PSMG4: variants seen among roughly 807,000 people sequenced by gnomAD.
PSMG4 encodes the protein proteasome assembly chaperone 4, also known as proteasome (prosome, macropain) assembly chaperone 4.
In PSMG4, 10 loss-of-function variants were observed where a neutral mutation model predicts 11.0. That is an observed-to-expected ratio of 0.91 (90% confidence interval 0.56 to 1.54). PSMG4 has a LOEUF of 1.54. Ranked by LOEUF, PSMG4 falls within the 40% of genes most tolerant of loss-of-function variation. The probability of loss-of-function intolerance (pLI) is 0.00; values close to 1 mark genes in which losing one functional copy is unlikely to be tolerated. For missense variants in PSMG4, 198 were observed against 160.9 expected (o/e 1.23, Z -1.25); for synonymous variants, 95 against 71.3 (o/e 1.33, Z -1.68).
At chr6:3,258,824 C>T (rs752773059), upstream of PSMG4, 24 of 422,786 alleles carry the variant, frequency 5.7e-5, no homozygotes, top group Middle Eastern at 3.1e-3. Flanking sequence ...CGCCCAGGGC[C>T]GGCAGCCGCC....
chr6:3,256,295 T>C (rs1254522081), upstream of PSMG4, among the ~76,000 whole-genome samples: 1 of 152,340 alleles, frequency 6.6e-6, no homozygotes, highest in South Asian at 2.1e-4. Flanking sequence ...ATCCCAGTTA[T>C]ACATTTGAGG....
upstream of PSMG4, chr6:3,258,781 A>G: frequency 2.7e-6 from 1 of 366,678 alleles, no homozygotes; most frequent in Non-Finnish European, 4.8e-6. Flanking sequence ...GGTGTGCGGG[A>G]GAGGCCAGCA....
chr6:3,254,941 GT>G, upstream of PSMG4: 1 of 1,238,360 alleles, frequency 8.1e-7, no homozygotes, highest in South Asian at 1.6e-5. Context: ...CTCACTGGGT[GT>G]CAGCTGTTGG....
intron 1 of PSMG4, among the ~76,000 whole-genome samples, chr6:3,261,793 C>T (rs1440895707): frequency 6.6e-6 from 1 of 152,182 alleles, no homozygotes; most frequent in African/African-American, 2.4e-5. Context: ...TGGGCCAGCC[C>T]TCCATCTACC....
At chr6:3,254,634 G>A (rs1581538676), upstream of PSMG4, among the ~76,000 whole-genome samples, 1 of 152,300 alleles carries the variant, frequency 6.6e-6, no homozygotes, top group South Asian at 2.1e-4. Flanking sequence ...GTGTAACACT[G>A]ATTGTGAAGG....
At chr6:3,254,548 G>A (rs1757672491), upstream of PSMG4, among the ~76,000 whole-genome samples, 1 of 152,134 alleles carries the variant, frequency 6.6e-6, no homozygotes, top group Admixed American at 6.5e-5. Context: ...AAGGTGTGCA[G>A]ATTTGTTCTC....
chr6:3,264,254 G>C, intron 2 of PSMG4: 1 of 1,551,136 alleles, frequency 6.4e-7, no homozygotes, highest in Non-Finnish European at 8.7e-7. Flanking sequence ...GGCGTAGAGT[G>C]GGGATTAAGC....
chr6:3,259,917 C>T (rs564254579), intron 1 of PSMG4, among the ~76,000 whole-genome samples: 2 of 152,260 alleles, frequency 1.3e-5, no homozygotes, highest in South Asian at 2.1e-4. Context: ...TGCCACAGAC[C>T]GCGTGGCTTA....
At chr6:3,256,409 CTG>C (rs1417832455), upstream of PSMG4, among the ~76,000 whole-genome samples, 1 of 152,222 alleles carries the variant, frequency 6.6e-6, no homozygotes, top group Non-Finnish European at 1.5e-5. Context: ...TCGAGAAGGA[CTG>C]TGATGACACT....
At chr6:3,256,170 C>T (rs990279940), upstream of PSMG4, among the ~76,000 whole-genome samples, 2 of 152,192 alleles carry the variant, frequency 1.3e-5, no homozygotes, top group African/African-American at 4.8e-5. Flanking sequence ...GCTTGCTTGG[C>T]TGGGGGAAGG....
At chr6:3,265,655 GC>G (rs11318633) in intron 2 of PSMG4, 126,399 of 152,188 alleles carry the variant, frequency 0.83, 52,759 homozygotes, top group Non-Finnish European at 0.87. Flanking sequence ...CACACTGCCT[GC>G]CTTTAGATCA....
intron 1 of PSMG4, among the ~76,000 whole-genome samples, chr6:3,261,205 A>C (rs1757977317): frequency 6.7e-6 from 1 of 149,566 alleles, no homozygotes; most frequent in Non-Finnish European, 1.5e-5. Context: ...TGGCATCTGG[A>C]TTCCTTTCTT....
At chr6:3,255,346 T>A, upstream of PSMG4, 11 of 1,455,244 alleles carry the variant, frequency 7.6e-6, no homozygotes, top group South Asian at 1.6e-4. Flanking sequence ...TCATTCTATG[T>A]AGTTGCTTAA....
At chr6:3,259,560 C>A (rs78827848) in intron 1 of PSMG4, among the ~76,000 whole-genome samples, 1 of 152,208 alleles carries the variant, frequency 6.6e-6, no homozygotes, top group African/African-American at 2.4e-5. Context: ...GGGACTCTTG[C>A]GTCTCCACTG....
chr6:3,263,038 A>G (rs971656766), intron 1 of PSMG4, among the ~76,000 whole-genome samples: 2 of 152,140 alleles, frequency 1.3e-5, no homozygotes, highest in African/African-American at 4.8e-5. Flanking sequence ...CGGAGGGCCC[A>G]TTTGTTGATC....
intron 2 of PSMG4, chr6:3,267,225 G>C: frequency 6.1e-6 from 1 of 165,158 alleles, no homozygotes; most frequent in Non-Finnish European, 1.3e-5. Context: ...GTAGGGCAGA[G>C]GTTCTTAAGC....
chr6:3,255,643 A>G (rs1222911027), upstream of PSMG4, among the ~76,000 whole-genome samples: 1 of 152,224 alleles, frequency 6.6e-6, no homozygotes, highest in African/African-American at 2.4e-5. Flanking sequence ...TTGCGCCCAC[A>G]GACAAACGAG....
At chr6:3,261,674 G>GGGC (rs1757996070) in intron 1 of PSMG4, among the ~76,000 whole-genome samples, 2 of 152,196 alleles carry the variant, frequency 1.3e-5, no homozygotes, top group Non-Finnish European at 2.9e-5. Flanking sequence ...CAGGGGCAGA[G>GGGC]AGCCGAGCCA....
At chr6:3,260,729 T>G (rs528824840) in intron 1 of PSMG4, among the ~76,000 whole-genome samples, 10 of 152,302 alleles carry the variant, frequency 6.6e-5, no homozygotes, top group Admixed American at 6.5e-4. Context: ...TTCAACATAT[T>G]TTTTGGGGAG....
Sources: allele counts gnomAD v4.1 joint callset (sites outside exome capture counted in the v4.1 genomes callset), GRCh38; gene constraint gnomAD v4.1.1; transcripts MANE v1.5; gene names NCBI Gene and HGNC (gene_info 2026-07-23, HGNC 2026-07-21).